Variants in FAM117B observed in about 807,000 individuals in gnomAD.
FAM117B encodes family with sequence similarity 117 member B.
FAM117B carries 22 observed loss-of-function variants against 52.8 expected under a neutral mutation model. That is an observed-to-expected ratio of 0.42 (90% CI 0.30 to 0.59). The LOEUF (loss-of-function observed/expected upper bound fraction) is 0.59. FAM117B is among the 20% of genes least tolerant of loss of function. FAM117B has a pLI of 0.22. For missense variants in FAM117B, 678 were observed against 802.6 expected, an observed-to-expected ratio of 0.84 and a Z score of 1.88; for synonymous variants, 309 against 324.1, an observed-to-expected ratio of 0.95 and a Z score of 0.50.
At chr2:202,695,813 T>C in intron 1 of FAM117B, 68 bp from the exon 2 acceptor site, 1 of 1,493,694 alleles carries the variant, frequency 6.7e-7, no homozygotes, top group Non-Finnish European at 9.0e-7. Flanking sequence ...CTACATAGTT[T>C]AAAACTTAGT....
intron 4 of FAM117B, among the ~76,000 whole-genome samples, chr2:202,727,412 T>C (rs895092994): frequency 5.3e-5 from 8 of 152,210 alleles, no homozygotes; most frequent in African/African-American, 1.9e-4. Flanking sequence ...CACAAAAATA[T>C]ACATTTGACT....
intron 1 of FAM117B, among the ~76,000 whole-genome samples, chr2:202,691,192 G>A (rs1345260115): frequency 6.6e-6 from 1 of 152,142 alleles, no homozygotes; most frequent in Non-Finnish European, 1.5e-5. Context: ...AGGTGGGCAG[G>A]ATCACCTGAG....
intron 1 of FAM117B, among the ~76,000 whole-genome samples, chr2:202,648,801 G>T (rs1205515145): frequency 6.6e-6 from 1 of 151,460 alleles, no homozygotes; most frequent in Non-Finnish European, 1.5e-5. Flanking sequence ...TTGCTCTGTT[G>T]TCCAGGCTGG....
chr2:202,663,841 C>A (rs767441855), intron 1 of FAM117B, among the ~76,000 whole-genome samples: 40 of 152,208 alleles, frequency 2.6e-4, no homozygotes, highest in Non-Finnish European at 8.8e-5. Context: ...ACCTCGGCCT[C>A]CCAAAGTGTT....
intron 1 of FAM117B, among the ~76,000 whole-genome samples, chr2:202,691,773 T>A (rs2105774926): frequency 6.6e-6 from 1 of 151,796 alleles, no homozygotes; most frequent in Non-Finnish European, 1.5e-5. Context: ...TTTTTTTAGT[T>A]AGAGGAAAAA....
chr2:202,758,995 T>A (rs1228502311), intron 6 of FAM117B, among the ~76,000 whole-genome samples: 2 of 152,250 alleles, frequency 1.3e-5, no homozygotes, highest in Non-Finnish European at 2.9e-5. Flanking sequence ...GGCAGCCAGC[T>A]AGATCAGTGT....
At chr2:202,754,896 A>AAAG (rs1691778945) in intron 4 of FAM117B, among the ~76,000 whole-genome samples, 1 of 151,078 alleles carries the variant, frequency 6.6e-6, no homozygotes, top group African/African-American at 2.4e-5. Flanking sequence ...CTCAAAAAAA[A>AAAG]AAAAAAAAAA....
intron 4 of FAM117B, among the ~76,000 whole-genome samples, chr2:202,728,597 T>TA (rs1391924849): frequency 6.6e-6 from 1 of 152,152 alleles, no homozygotes; most frequent in Admixed American, 6.5e-5. Flanking sequence ...TATGTGTTTC[T>TA]AAAAAATAAG....
chr2:202,704,088 A>G (rs2105779793), intron 2 of FAM117B, among the ~76,000 whole-genome samples: 2 of 152,280 alleles, frequency 1.3e-5, no homozygotes, highest in East Asian at 3.9e-4. Flanking sequence ...CTTACTGGCC[A>G]TTTGCATATC....
chr2:202,745,950 A>G (rs1337519881), intron 4 of FAM117B, among the ~76,000 whole-genome samples: 1 of 152,230 alleles, frequency 6.6e-6, no homozygotes, highest in East Asian at 1.9e-4. Flanking sequence ...TGTATAATGC[A>G]AACAGTGTTA....
intron 2 of FAM117B, among the ~76,000 whole-genome samples, chr2:202,710,301 A>G (rs1474956794): frequency 6.6e-6 from 1 of 152,012 alleles, no homozygotes; most frequent in African/African-American, 2.4e-5. Flanking sequence ...TTCTTTAATC[A>G]ATGTTTTTTA....
At chr2:202,673,425 C>CTTTTTTTT (rs1690327651) in intron 1 of FAM117B, among the ~76,000 whole-genome samples, 1 of 45,992 alleles carries the variant, frequency 2.2e-5, no homozygotes, top group East Asian at 5.5e-4. Flanking sequence ...CCCTATTTTT[C>CTTTTTTTT]TTTTTCTGTT....
At chr2:202,742,325 A>T (rs759594970) in intron 4 of FAM117B, among the ~76,000 whole-genome samples, 2 of 152,214 alleles carry the variant, frequency 1.3e-5, no homozygotes. Flanking sequence ...AAGTAAAGCA[A>T]TGTGCTACTG....
chr2:202,637,683 A>G (rs1220322041), intron 1 of FAM117B, among the ~76,000 whole-genome samples: 1 of 152,176 alleles, frequency 6.6e-6, no homozygotes, highest in Non-Finnish European at 1.5e-5. Context: ...GCAAAATCTC[A>G]TTTAACCCTC....
intron 2 of FAM117B, among the ~76,000 whole-genome samples, chr2:202,711,336 G>GT (rs1307917612): frequency 6.6e-6 from 1 of 152,020 alleles, no homozygotes; most frequent in Non-Finnish European, 1.5e-5. Flanking sequence ...ACATATACCT[G>GT]TTTGTCATTT....
At chr2:202,689,117 A>G (rs1241297349) in intron 1 of FAM117B, among the ~76,000 whole-genome samples, 1 of 152,222 alleles carries the variant, frequency 6.6e-6, no homozygotes. Flanking sequence ...CCAAGGGTAG[A>G]CAGATTTCTG....
chr2:202,639,233 A>G (rs535585126), intron 1 of FAM117B, among the ~76,000 whole-genome samples: 14 of 152,304 alleles, frequency 9.2e-5, no homozygotes, highest in African/African-American at 3.4e-4. Context: ...GGATGCTGTA[A>G]CCTTTGTTAG....
At chr2:202,646,034 T>G (rs950097472) in intron 1 of FAM117B, among the ~76,000 whole-genome samples, 18 of 139,600 alleles carry the variant, frequency 1.3e-4, no homozygotes, top group South Asian at 6.8e-4. Context: ...GTTTTTTGTT[T>G]TTTTTTTTTT....
chr2:202,667,707 C>A (rs1324655570), intron 1 of FAM117B, among the ~76,000 whole-genome samples: 1 of 151,800 alleles, frequency 6.6e-6, no homozygotes, highest in Non-Finnish European at 1.5e-5. Context: ...AACTAGATAA[C>A]CTAAGTTAAA....
Sources: gnomAD v4.1 joint callset for allele counts (sites outside exome capture counted in the v4.1 genomes callset) on GRCh38, gnomAD v4.1.1 for gene constraint, MANE v1.5 for transcripts, NCBI Gene and HGNC (gene_info 2026-07-23, HGNC 2026-07-21) for gene names.